AOPEP: variants seen among roughly 807,000 people sequenced by gnomAD.
The protein encoded by AOPEP is aminopeptidase O (putative).
In AOPEP, 77 loss-of-function variants were observed where a neutral mutation model predicts 98.1. The observed-to-expected ratio is 0.78, with a 90% confidence interval of 0.65 to 0.95. The LOEUF is 0.95. Ranked by LOEUF, AOPEP falls within the 40% of genes least tolerant of loss-of-function variation. AOPEP has a pLI of 0.00. For synonymous variants in AOPEP, 346 were observed against 365.3 expected, an observed-to-expected ratio of 0.95 and a Z score of 0.60; for missense variants, 1,024 against 1,024.7, an observed-to-expected ratio of 1.00 and a Z score of 0.01.
At chr9:94,970,061 G>A (rs1343938863) in intron 10 of AOPEP, among the ~76,000 whole-genome samples, 1 of 152,166 alleles carries the variant, frequency 6.6e-6, no homozygotes, top group Non-Finnish European at 1.5e-5. Flanking sequence ...TGGAGGTTTT[G>A]TTCTAAGCAT....
At chr9:94,729,737 G>T (rs185217481) in intron 1 of AOPEP, among the ~76,000 whole-genome samples, 1 of 152,194 alleles carries the variant, frequency 6.6e-6, no homozygotes, top group Admixed American at 6.5e-5. Context: ...GACCTCTCCA[G>T]TGTGATAATC....
the AOPEP span, among the ~76,000 whole-genome samples, chr9:95,130,564 C>G: frequency 1.4e-3 from 212 of 152,276 alleles, 1 homozygote; most frequent in African/African-American, 4.8e-3. Context: ...TAGATTCTTT[C>G]CTGGTATTTT....
chr9:95,116,576 A>G, the AOPEP span, among the ~76,000 whole-genome samples: 5 of 152,146 alleles, frequency 3.3e-5, no homozygotes, highest in Non-Finnish European at 7.4e-5. Context: ...CTCTCCTCCC[A>G]TGCTCCAATA....
Position 94,957,934 on chromosome 9 carries a change from T to G in AOPEP, c.1872+1919T>G, listed in dbSNP as rs907238600. On this transcript the variant is annotated intron_variant, in intron 9 of 16. Transcript: ENST00000375315. ...AAAATATACAAAAAAAATTTACCAT[T>G]TTAGCCATTTTTAAGTTCACAGGTC... is the stretch of plus-strand genomic sequence containing the variant. Among the ~76,000 whole-genome samples, 6 of 152,190 alleles carry G rather than the reference T, an allele frequency of 3.9e-5. No homozygotes were observed. In the East Asian group the frequency reaches 1.2e-3, roughly 29 times the overall value.
intron 5 of AOPEP, among the ~76,000 whole-genome samples, chr9:94,873,880 GC>G (rs2046620288): frequency 6.6e-6 from 1 of 152,076 alleles, no homozygotes; most frequent in Non-Finnish European, 1.5e-5. Flanking sequence ...TCAAGTTATA[GC>G]CACTACACAC....
intron 13 of AOPEP, among the ~76,000 whole-genome samples, chr9:95,034,979 CTT>C (rs34875677): frequency 4.3e-3 from 617 of 144,350 alleles, no homozygotes; most frequent in East Asian, 8.0e-3. Context: ...TTTCTTTTTT[CTT>C]TTTTTTTTTT....
chr9:94,871,151 G>T (rs997094398), intron 5 of AOPEP, among the ~76,000 whole-genome samples: 66 of 152,202 alleles, frequency 4.3e-4, no homozygotes, highest in Admixed American at 4.3e-3. Flanking sequence ...TTGAGCCTGT[G>T]TCAGCAGCCT....
At chr9:95,049,527 CAGAA>C (rs1210523124) in intron 13 of AOPEP, among the ~76,000 whole-genome samples, 34 of 152,076 alleles carry the variant, frequency 2.2e-4, no homozygotes, top group African/African-American at 7.7e-4. Context: ...TTTAAATAAT[CAGAA>C]AGCTCAGAAA....
At chr9:94,740,060 C>T (rs1278816323) in intron 1 of AOPEP, among the ~76,000 whole-genome samples, 3 of 152,140 alleles carry the variant, frequency 2.0e-5, no homozygotes, top group Admixed American at 2.0e-4. Flanking sequence ...ATCACGCCCT[C>T]ATATGACACA....
the AOPEP span, among the ~76,000 whole-genome samples, chr9:95,146,722 T>C: frequency 2.0e-5 from 3 of 151,924 alleles, no homozygotes; most frequent in Non-Finnish European, 2.9e-5. Context: ...TTTCAAACAC[T>C]GCAGACAGAG....
intron 1 of AOPEP, among the ~76,000 whole-genome samples, chr9:94,730,943 G>A (rs1202778388): frequency 6.6e-6 from 1 of 152,108 alleles, no homozygotes; most frequent in Non-Finnish European, 1.5e-5. Flanking sequence ...AAAAAAAGAC[G>A]ATTAATTTGC....
At chr9:95,066,063 A>G (rs1292956872) in intron 14 of AOPEP, among the ~76,000 whole-genome samples, 2 of 152,212 alleles carry the variant, frequency 1.3e-5, no homozygotes, top group African/African-American at 4.8e-5. Context: ...GTTACTTTAG[A>G]CATATCTTTT....
chr9:95,007,390 G>A (rs995074877), intron 13 of AOPEP, among the ~76,000 whole-genome samples: 7 of 7,344 alleles, frequency 9.5e-4, no homozygotes, highest in South Asian at 8.6e-3. Context: ...GGAGAAAGTG[G>A]GGGGGGGACT....
chr9:94,942,263 C>A (rs953961552), intron 7 of AOPEP, among the ~76,000 whole-genome samples: 8 of 152,204 alleles, frequency 5.3e-5, no homozygotes, highest in Non-Finnish European at 8.8e-5. Flanking sequence ...GAAAAACTCT[C>A]ATCCAGTGAG....
At chr9:95,030,659 CCTTCTTCCTCTCTGTGTCT>C (rs143757099) in intron 13 of AOPEP, among the ~76,000 whole-genome samples, 2,247 of 152,292 alleles carry the variant, frequency 0.015, 66 homozygotes, top group African/African-American at 0.048. Flanking sequence ...CAGCAGCCAT[CCTTCTTCCTCTCTGTGTCT>C]CTTCTTCCTC....
intron 11 of AOPEP, among the ~76,000 whole-genome samples, chr9:94,981,925 C>T (rs1564479365): frequency 6.6e-6 from 1 of 152,096 alleles, no homozygotes; most frequent in African/African-American, 2.4e-5. Flanking sequence ...TGTGGTTGGC[C>T]TCGATTTTCC....
At chr9:94,796,539 A>G (rs1846973398) in intron 4 of AOPEP, among the ~76,000 whole-genome samples, 1 of 152,148 alleles carries the variant, frequency 6.6e-6, no homozygotes, top group Non-Finnish European at 1.5e-5. Context: ...AAACCTTCCT[A>G]AGACCACCAA....
At chr9:94,964,950 T>C (rs2138265533) in intron 9 of AOPEP, among the ~76,000 whole-genome samples, 1 of 152,328 alleles carries the variant, frequency 6.6e-6, no homozygotes, top group African/African-American at 2.4e-5. Flanking sequence ...CTACAAGGAC[T>C]TGGATTTTTA....
At chr9:95,124,099 G>C in the AOPEP span, among the ~76,000 whole-genome samples, 3 of 30,658 alleles carry the variant, frequency 9.8e-5, no homozygotes, top group East Asian at 3.2e-3. Context: ...GTAAAACCTT[G>C]TCTCAAAAAA....
Sources: allele counts gnomAD v4.1 joint callset (sites outside exome capture counted in the v4.1 genomes callset), GRCh38; gene constraint gnomAD v4.1.1; transcripts MANE v1.5; gene names NCBI Gene and HGNC (gene_info 2026-07-23, HGNC 2026-07-21).